The following ACBD6 variants were observed in gnomAD, a reference collection of about 807,000 sequenced individuals.
ACBD6 encodes the protein acyl-CoA binding domain containing 6.
In ACBD6, 28 loss-of-function variants were observed where a neutral mutation model predicts 37.2. That is an observed-to-expected ratio of 0.75 (90% CI 0.56 to 1.03). The LOEUF (loss-of-function observed/expected upper bound fraction) is 1.03. Among genes scored for constraint, ACBD6 ranks in the 50% least tolerant of loss-of-function variants. The pLI, the probability that ACBD6 is intolerant of heterozygous loss-of-function variation, is 0.00. For synonymous variants in ACBD6, 113 were observed against 126.8 expected (o/e 0.89, Z 0.73); for missense variants, 340 against 337.4 (o/e 1.01, Z -0.06).
intron 3 of ACBD6, chr1:180,435,454 C>CGT (rs1557869592): frequency 1.5e-5 from 7 of 477,470 alleles, no homozygotes; most frequent in Non-Finnish European, 2.6e-5. Context: ...GGGGTTTCAC[C>CGT]GTTAGCCAGG....
intron 6 of ACBD6, among the ~76,000 whole-genome samples, chr1:180,319,874 AAGT>A (rs1387797697): frequency 6.6e-6 from 1 of 152,216 alleles, no homozygotes; most frequent in Non-Finnish European, 1.5e-5. Flanking sequence ...CATTGTATAT[AAGT>A]ACCATATTTT....
intron 4 of ACBD6, among the ~76,000 whole-genome samples, chr1:180,423,617 T>C (rs1040438097): frequency 6.6e-6 from 1 of 152,114 alleles, no homozygotes; most frequent in African/African-American, 2.4e-5. Context: ...AAGAAAAAAA[T>C]CAATGACCCA....
chr1:180,338,647 G>T (rs2149305000), intron 6 of ACBD6, among the ~76,000 whole-genome samples: 1 of 152,264 alleles, frequency 6.6e-6, no homozygotes, highest in South Asian at 2.1e-4. Flanking sequence ...AACACCAATG[G>T]CAATGGCAAC....
At chr1:180,427,760 A>C (rs1446538779) in intron 4 of ACBD6, among the ~76,000 whole-genome samples, 1 of 152,130 alleles carries the variant, frequency 6.6e-6, no homozygotes, top group East Asian at 1.9e-4. Context: ...TGTCTCCACT[A>C]AAAATACAAA....
rs1480451558 is a variant in ACBD6, at chr1:180,495,450, G to C, written c.287+11C>G. On this transcript the variant is annotated intron_variant, in intron 2 of 7. Coordinates refer to ENST00000367595, the MANE Select transcript of ACBD6 (RefSeq NM_032360.4). ...CCAACAACCTCATTAAAGATTCCAG[G>C]AATTTCTTACCATTTTTGCTTTCCT... is the stretch of plus-strand genomic sequence containing the variant. 6.3e-7 allele frequency: 1 copy of C among 1,586,208 alleles called. No individual in the cohort carries two copies. Among genetic ancestry groups the C allele is most frequent in the East Asian group, 2.2e-5 (1 of 44,584 alleles).
intron 6 of ACBD6, among the ~76,000 whole-genome samples, chr1:180,359,532 T>C (rs1366212966): frequency 6.6e-6 from 1 of 152,170 alleles, no homozygotes; most frequent in Non-Finnish European, 1.5e-5. Context: ...TTTGTTAGGA[T>C]GGAATTTACT....
chr1:180,327,286 C>G (rs1651291646), intron 6 of ACBD6, among the ~76,000 whole-genome samples: 1 of 152,190 alleles, frequency 6.6e-6, no homozygotes, highest in African/African-American at 2.4e-5. Context: ...GCTTTGCTCT[C>G]TGCTTTGACA....
chr1:180,344,564 TAC>T (rs1165121600), intron 6 of ACBD6, among the ~76,000 whole-genome samples: 3 of 152,250 alleles, frequency 2.0e-5, no homozygotes, highest in Non-Finnish European at 4.4e-5. Flanking sequence ...CTTCCAGTGC[TAC>T]AGAGTTGAGA....
At chr1:180,479,930 A>T (rs887869124) in intron 3 of ACBD6, among the ~76,000 whole-genome samples, 1 of 152,150 alleles carries the variant, frequency 6.6e-6, no homozygotes. Context: ...CAGAGGGTTC[A>T]GTGAGCAGAG....
At chr1:180,454,107 C>T (rs528320235) in intron 3 of ACBD6, among the ~76,000 whole-genome samples, 63 of 152,260 alleles carry the variant, frequency 4.1e-4, no homozygotes, top group Non-Finnish European at 7.4e-4. Context: ...AGGCATCACG[C>T]TACCTGACTT....
At chr1:180,438,571 A>T (rs1434298083) in intron 3 of ACBD6, among the ~76,000 whole-genome samples, 3 of 152,234 alleles carry the variant, frequency 2.0e-5, no homozygotes, top group African/African-American at 7.2e-5. Flanking sequence ...AAAAATAAGT[A>T]TAGTTCTTTT....
intron 5 of ACBD6, among the ~76,000 whole-genome samples, chr1:180,405,448 G>A (rs1329337677): frequency 6.6e-6 from 1 of 152,142 alleles, no homozygotes; most frequent in Non-Finnish European, 1.5e-5. Context: ...AACTAAAGAA[G>A]CAGCCCAGTG....
intron 6 of ACBD6, among the ~76,000 whole-genome samples, chr1:180,337,161 G>C (rs1651756331): frequency 6.6e-6 from 1 of 152,126 alleles, no homozygotes; most frequent in African/African-American, 2.4e-5. Context: ...TATGAGGCCA[G>C]CATCATCCTG....
At chr1:180,435,920 T>A in intron 3 of ACBD6, 1 of 1,374,760 alleles carries the variant, frequency 7.3e-7, no homozygotes, top group Non-Finnish European at 1.0e-6. Context: ...CAAGCTTGGT[T>A]TAGGCCTGGA....
chr1:180,475,800 G>A (rs989571422), intron 3 of ACBD6, among the ~76,000 whole-genome samples: 13 of 152,104 alleles, frequency 8.5e-5, no homozygotes, highest in African/African-American at 3.1e-4. Flanking sequence ...TAAATAAAGC[G>A]ACTATGAACA....
intron 1 of ACBD6, among the ~76,000 whole-genome samples, chr1:180,500,403 C>T (rs927405259): frequency 2.6e-5 from 4 of 152,040 alleles, no homozygotes; most frequent in African/African-American, 9.7e-5. Context: ...TCTCTTAAAG[C>T]AAATGTTGGC....
intron 6 of ACBD6, among the ~76,000 whole-genome samples, chr1:180,338,581 G>T (rs1264396702): frequency 1.3e-5 from 2 of 152,166 alleles, no homozygotes; most frequent in East Asian, 1.9e-4. Context: ...AACCCTAGAA[G>T]AAAACCTAGG....
At chr1:180,447,498 T>C (rs979572602) in intron 3 of ACBD6, among the ~76,000 whole-genome samples, 1 of 152,154 alleles carries the variant, frequency 6.6e-6, no homozygotes, top group Non-Finnish European at 1.5e-5. Context: ...CTTTTGTCAA[T>C]TGTCTTGGTT....
intron 7 of ACBD6, among the ~76,000 whole-genome samples, chr1:180,306,057 G>A (rs1208839255): frequency 1.1e-4 from 15 of 142,750 alleles, no homozygotes; most frequent in Non-Finnish European, 1.7e-4. Context: ...ATGAGAACAC[G>A]TGGACACAGG....
Sources: gnomAD v4.1 joint callset for allele counts (sites outside exome capture counted in the v4.1 genomes callset) on GRCh38, gnomAD v4.1.1 for gene constraint, MANE v1.5 for transcripts, NCBI Gene and HGNC (gene_info 2026-07-23, HGNC 2026-07-21) for gene names.